GAS7: variants seen among roughly 807,000 people sequenced by gnomAD.
GAS7 encodes growth arrest specific 7, also known as growth arrest-specific protein 7.
Under a neutral mutation model 71.1 loss-of-function variants are expected in GAS7, and 28 were observed. The observed-to-expected ratio is 0.39, with a 90% CI of 0.29 to 0.54. The LOEUF (loss-of-function observed/expected upper bound fraction) is 0.54. Ranked by LOEUF, GAS7 falls within the 20% of genes least tolerant of loss-of-function variation. The pLI is 0.62. For missense variants in GAS7, 436 were observed against 627.8 expected, an observed-to-expected ratio of 0.69 and a Z score of 3.27; for synonymous variants, 258 against 245.8, an observed-to-expected ratio of 1.05 and a Z score of -0.46.
intron 3 of GAS7, among the ~76,000 whole-genome samples, chr17:9,972,668 C>T (rs1313278571): frequency 6.6e-6 from 1 of 152,096 alleles, no homozygotes; most frequent in Non-Finnish European, 1.5e-5. Context: ...AATAAACTAT[C>T]AATAAATGGC....
At chr17:9,993,167 G>A (rs1365580543) in intron 2 of GAS7, among the ~76,000 whole-genome samples, 1 of 151,238 alleles carries the variant, frequency 6.6e-6, no homozygotes, top group Non-Finnish European at 1.5e-5. Context: ...CTAGATCCCT[G>A]AGGAATCGCC....
At chr17:10,132,693 A>T (rs1208980735) in intron 1 of GAS7, among the ~76,000 whole-genome samples, 1 of 152,014 alleles carries the variant, frequency 6.6e-6, no homozygotes, top group Admixed American at 6.6e-5. Context: ...GCTTGAACCC[A>T]GGAGGCGGAG....
At chr17:10,105,728 C>G (rs2073750307) in intron 1 of GAS7, among the ~76,000 whole-genome samples, 1 of 152,208 alleles carries the variant, frequency 6.6e-6, no homozygotes, top group Admixed American at 6.5e-5. Context: ...GCCCGTGTAA[C>G]TGCAGAGCAC....
intron 12 of GAS7, among the ~76,000 whole-genome samples, chr17:9,918,865 G>C (rs1456413922): frequency 6.6e-6 from 1 of 152,142 alleles, no homozygotes; most frequent in Non-Finnish European, 1.5e-5. Flanking sequence ...AAAGCAGGGG[G>C]CTTAATTAGG....
chr17:10,105,842 T>A (rs982069355), intron 1 of GAS7, among the ~76,000 whole-genome samples: 5 of 152,160 alleles, frequency 3.3e-5, no homozygotes, highest in African/African-American at 1.2e-4. Flanking sequence ...GGGACCTGGG[T>A]AGTCTTACTC....
At chr17:10,004,863 A>C (rs1355402747) in intron 2 of GAS7, among the ~76,000 whole-genome samples, 1 of 152,150 alleles carries the variant, frequency 6.6e-6, no homozygotes. Context: ...TACAAAAATT[A>C]GCCAGGTGTG....
chr17:10,056,307 C>A (rs1449241451), intron 1 of GAS7, among the ~76,000 whole-genome samples: 1 of 151,914 alleles, frequency 6.6e-6, no homozygotes, highest in Admixed American at 6.6e-5. Flanking sequence ...CCAGCCTGGG[C>A]AACAAAGTGA....
chr17:10,079,842 T>C (rs1000873137), intron 1 of GAS7, among the ~76,000 whole-genome samples: 3 of 151,942 alleles, frequency 2.0e-5, no homozygotes, highest in Admixed American at 1.3e-4. Context: ...ATTGACAACA[T>C]CAAATTTAAA....
At chr17:9,953,016 A>C (rs142681000) in intron 5 of GAS7, among the ~76,000 whole-genome samples, 60 of 152,224 alleles carry the variant, frequency 3.9e-4, no homozygotes, top group Non-Finnish European at 8.1e-4. Context: ...AAGGAATATA[A>C]ATCTTTCCAC....
At chr17:9,946,228 G>T (rs187189911) in intron 6 of GAS7, among the ~76,000 whole-genome samples, 207 of 152,192 alleles carry the variant, frequency 1.4e-3, no homozygotes, top group Middle Eastern at 0.01. Flanking sequence ...ACAGGACTCT[G>T]CATTTCTACA....
rs180973859 is a variant in GAS7, at chr17:10,027,322, T to C, written c.184-7425A>G. ...TCAGAAATATTTGAGGAGGCTATTTTACCAAATAAGCAGACAGGGAATGGG... is the reference window on the plus strand; with the variant it reads ...TCAGAAATATTTGAGGAGGCTATTTCACCAAATAAGCAGACAGGGAATGGG... On this transcript the variant is annotated intron_variant, in intron 1 of 13. Transcript: ENST00000432992. Among the ~76,000 whole-genome samples the C allele has an allele frequency of 1.1e-3, 173 of 152,332 alleles. 1 individual carries two copies. The highest frequency in any genetic ancestry group is 0.011 in the Admixed American group (162 of 15,296).
chr17:9,926,605 T>C lies in GAS7; in HGVS notation c.1014+36A>G. 1.2e-6 allele frequency: 2 copies of C among 1,607,372 alleles called. No individual in the cohort carries two copies. Among genetic ancestry groups the C allele is most frequent in the Middle Eastern group, 1.7e-4 (1 of 6,048 alleles). On this transcript the variant is annotated intron_variant, in intron 10 of 13. Coordinates refer to ENST00000432992, the MANE Select transcript of GAS7 (RefSeq NM_201433.2). This position sits in a 1 kb window ranked among gnomAD's most constrained non-coding sequence, Gnocchi z 5.0. ...CCCCCTTCTTCCAGGCAGTCCCCCA[T>C]GCACCTGCCCTGGCCCAGCGTCCTG...
rs192693504 is a variant in GAS7, at chr17:9,973,051, C to T, written c.386-3289G>A. ...GCCAATAACATACGCCAAAAGAAAA[C>T]AGGAGAACGGAATAGAAAAGTGGTA... On this transcript the variant is annotated intron_variant, in intron 3 of 13. Coordinates refer to ENST00000432992, the MANE Select transcript of GAS7 (RefSeq NM_201433.2). Among the ~76,000 whole-genome samples, 53 of 152,090 alleles carry T rather than the reference C, an allele frequency of 3.5e-4. 1 individual carries two copies. Among genetic ancestry groups the T allele is most frequent in the South Asian group, 2.9e-3 (14 of 4,818 alleles).
intron 1 of GAS7, among the ~76,000 whole-genome samples, chr17:10,159,104 TA>T (rs1567614406): frequency 4.8e-4 from 37 of 77,512 alleles, no homozygotes; most frequent in African/African-American, 5.3e-4. Flanking sequence ...ATATTAAAGA[TA>T]ACACACACGC....
intron 3 of GAS7, among the ~76,000 whole-genome samples, chr17:9,970,450 T>C (rs929207192): frequency 2.6e-5 from 4 of 152,028 alleles, no homozygotes; most frequent in Non-Finnish European, 2.9e-5. Context: ...GCCAACATGG[T>C]GAAACCCTGT....
chr17:10,153,074 T>C (rs892454301), intron 1 of GAS7, among the ~76,000 whole-genome samples: 1 of 146,142 alleles, frequency 6.8e-6, no homozygotes, highest in African/African-American at 2.5e-5. Flanking sequence ...CTGGGCATAG[T>C]GGCGGGCACC....
At chr17:10,173,345 C>T (rs2074349224) in intron 1 of GAS7, among the ~76,000 whole-genome samples, 1 of 151,812 alleles carries the variant, frequency 6.6e-6, no homozygotes. Context: ...TTTAACACAA[C>T]TTTTTTTAAA....
Position 9,981,922 on chromosome 17 carries a change from G to GTCACAGGGCAGAACCTGAGTT in GAS7, c.305-59_305-39dup. 8.9e-7 allele frequency: 1 copy of GTCACAGGGCAGAACCTGAGTT among 1,119,814 alleles called. No homozygotes were observed. Among genetic ancestry groups the GTCACAGGGCAGAACCTGAGTT allele is most frequent in the Non-Finnish European group, 1.4e-6 (1 of 729,054 alleles). 69.4% of individuals were successfully genotyped at this position (1,119,814 alleles called of 1,614,324 possible). A position where few individuals can be genotyped will look rare whatever the true frequency, so the allele number is the denominator to read the frequency against. ...GAGCAAAGAAAATCACTTTGAGAAT[G>GTCACAGGGCAGAACCTGAGTT]TCACAGGGCAGAACCTGAGTTTCAC... On this transcript the variant is annotated intron_variant, in intron 2 of 13. Transcript: ENST00000432992. This position sits in a 1 kb window ranked among gnomAD's most constrained non-coding sequence, Gnocchi z 4.4.
chr17:9,953,972 TTTG>T (rs2069121945), intron 5 of GAS7, among the ~76,000 whole-genome samples: 1 of 152,212 alleles, frequency 6.6e-6, no homozygotes, highest in East Asian at 1.9e-4. Flanking sequence ...ACTGTAATTC[TTTG>T]GGATAAACCT....
Sources: gnomAD v4.1 joint callset for allele counts (sites outside exome capture counted in the v4.1 genomes callset) on GRCh38, gnomAD v4.1.1 for gene constraint, Gnocchi (gnomAD v3.1) non-coding constraint, MANE v1.5 for transcripts, NCBI Gene and HGNC (gene_info 2026-07-23, HGNC 2026-07-21) for gene names.